Variants in C2orf66 observed in about 807,000 individuals in gnomAD.
C2orf66 encodes the protein uncharacterized protein C2orf66.
A neutral mutation model predicts 7.0 loss-of-function variants in C2orf66; 6 were observed. That is an observed-to-expected ratio of 0.86 (90% CI 0.47 to 1.69). The LOEUF (loss-of-function observed/expected upper bound fraction) is 1.69, where lower values mean the gene tolerates loss of function less well. Ranked by LOEUF, C2orf66 falls within the 40% of genes most tolerant of loss-of-function variation. The pLI is 0.01. For synonymous variants in C2orf66, 38 were observed against 43.8 expected (o/e 0.87, Z 0.52); for missense variants, 107 against 112.0 (o/e 0.96, Z 0.20).
chr2:196,815,471 T>G, the C2orf66 span, among the ~76,000 whole-genome samples: 1 of 152,218 alleles, frequency 6.6e-6, no homozygotes, highest in Non-Finnish European at 1.5e-5. Context: ...CCAAATTATC[T>G]AATTTGGTCT....
the C2orf66 span, among the ~76,000 whole-genome samples, chr2:196,829,626 A>G: frequency 0.012 from 1,878 of 151,776 alleles, 40 homozygotes; most frequent in African/African-American, 0.04. Context: ...GGCCGGGTGC[A>G]GTGGCTCACA....
At chr2:196,821,798 T>A in the C2orf66 span, among the ~76,000 whole-genome samples, 2 of 151,978 alleles carry the variant, frequency 1.3e-5, no homozygotes, top group Non-Finnish European at 2.9e-5. Flanking sequence ...AAAGGAGTAG[T>A]TTTAGAGAAG....
At chr2:196,830,130 A>C in the C2orf66 span, among the ~76,000 whole-genome samples, 1 of 152,142 alleles carries the variant, frequency 6.6e-6, no homozygotes, top group African/African-American at 2.4e-5. Flanking sequence ...TTCTTTTGGC[A>C]CTTTGTAATG....
the C2orf66 span, among the ~76,000 whole-genome samples, chr2:196,825,327 T>A: frequency 6.6e-6 from 1 of 150,934 alleles, no homozygotes; most frequent in African/African-American, 2.4e-5. Context: ...ACATCACTAA[T>A]AATCAGGAAA....
the C2orf66 span, among the ~76,000 whole-genome samples, chr2:196,815,657 T>C: frequency 6.6e-6 from 1 of 152,074 alleles, no homozygotes; most frequent in Non-Finnish European, 1.5e-5. Context: ...ATGAAAGAAA[T>C]CCAACAAATA....
chr2:196,815,830 A>C, the C2orf66 span, among the ~76,000 whole-genome samples: 1 of 152,242 alleles, frequency 6.6e-6, no homozygotes, highest in Non-Finnish European at 1.5e-5. Context: ...AAAAAAACCC[A>C]GAGCTGATAC....
At chr2:196,812,141 C>T (rs982898394), upstream of C2orf66, among the ~76,000 whole-genome samples, 1 of 152,148 alleles carries the variant, frequency 6.6e-6, no homozygotes, top group Non-Finnish European at 1.5e-5. Flanking sequence ...ATATGAGAGA[C>T]TTGTTTGTTT....
At chr2:196,827,285 G>A in the C2orf66 span, among the ~76,000 whole-genome samples, 2 of 144,484 alleles carry the variant, frequency 1.4e-5, no homozygotes, top group South Asian at 2.3e-4. Flanking sequence ...AAAAAACCCC[G>A]ACAACATTGG....
upstream of C2orf66, among the ~76,000 whole-genome samples, chr2:196,814,077 C>T (rs890330115): frequency 3.3e-5 from 5 of 152,158 alleles, no homozygotes; most frequent in Non-Finnish European, 5.9e-5. Context: ...ACTGGGTATA[C>T]ACCCAAAGGA....
At chr2:196,815,624 G>A in the C2orf66 span, among the ~76,000 whole-genome samples, 1 of 152,154 alleles carries the variant, frequency 6.6e-6, no homozygotes, top group Non-Finnish European at 1.5e-5. Flanking sequence ...AGAAAATAGA[G>A]TACTCAGCAC....
chr2:196,809,173 T>C, intron 1 of C2orf66, 41 bp downstream of exon 1: 1 of 1,580,810 alleles, frequency 6.3e-7, no homozygotes, highest in African/African-American at 1.3e-5. Context: ...CAAAGAGGCA[T>C]TAGTTCTATC....
the C2orf66 span, among the ~76,000 whole-genome samples, chr2:196,827,856 A>G: frequency 6.6e-6 from 1 of 152,226 alleles, no homozygotes; most frequent in East Asian, 1.9e-4. Context: ...ATTTACAAAT[A>G]TGAATACTCA....
chr2:196,812,944 T>C (rs1301347926), upstream of C2orf66, among the ~76,000 whole-genome samples: 1 of 152,084 alleles, frequency 6.6e-6, no homozygotes. Context: ...CACAAACAAA[T>C]GGAAAAACAT....
At chr2:196,814,392 G>A in the C2orf66 span, among the ~76,000 whole-genome samples, 18 of 152,150 alleles carry the variant, frequency 1.2e-4, no homozygotes, top group African/African-American at 4.3e-4. Context: ...TGGACACAGG[G>A]AGGGGAACAT....
the C2orf66 span, among the ~76,000 whole-genome samples, chr2:196,830,906 C>G: frequency 4.6e-5 from 7 of 152,040 alleles, no homozygotes; most frequent in Non-Finnish European, 1.0e-4. Context: ...TGAGGGGGAA[C>G]AAGGGGGCTA....
chr2:196,828,230 TCACACACACACACACACACA>T, the C2orf66 span, among the ~76,000 whole-genome samples: 11 of 125,152 alleles, frequency 8.8e-5, no homozygotes, highest in South Asian at 8.3e-4. Flanking sequence ...TCTCTCTCTC[TCACACACACACACACACACA>T]CACACACACA....
chr2:196,820,386 C>G, the C2orf66 span, among the ~76,000 whole-genome samples: 1 of 152,176 alleles, frequency 6.6e-6, no homozygotes, highest in African/African-American at 2.4e-5. Flanking sequence ...TGAAGAGCAC[C>G]TTGGGATTTC....
chr2:196,810,678 A>G (rs746017725), upstream of C2orf66, among the ~76,000 whole-genome samples: 20 of 152,204 alleles, frequency 1.3e-4, no homozygotes, highest in Non-Finnish European at 4.4e-5. Context: ...TCGACTGGAA[A>G]TTAGCAAACC....
intron 1 of C2orf66, 138 bp downstream of exon 1, chr2:196,809,076 G>T: frequency 2.2e-6 from 2 of 893,888 alleles, no homozygotes; most frequent in East Asian, 2.4e-5. Flanking sequence ...GTAAAACTCT[G>T]GTCCAATCCT....
Sources: allele counts gnomAD v4.1 joint callset (sites outside exome capture counted in the v4.1 genomes callset), GRCh38; gene constraint gnomAD v4.1.1; transcripts MANE v1.5; gene names NCBI Gene and HGNC (gene_info 2026-07-23, HGNC 2026-07-21).